The following FGD4 variants were observed in gnomAD, a reference collection of about 807,000 sequenced individuals.
FGD4 encodes FYVE, RhoGEF and PH domain-containing protein 4.
FGD4 carries 42 observed loss-of-function variants against 102.0 expected under a neutral mutation model. That is an observed-to-expected ratio of 0.41 (90% CI 0.32 to 0.53). The LOEUF is 0.53. Ranked by LOEUF, FGD4 falls within the 20% of genes least tolerant of loss-of-function variation. The pLI is 0.21. For missense variants in FGD4, 902 were observed against 1,078.2 expected (o/e 0.84, Z 2.29); for synonymous variants, 380 against 375.7 (o/e 1.01, Z -0.13).
chr12:32,544,496 T>TGAGGCAGGTGGATCACTTTG lies in FGD4; in HGVS notation c.167-19640_167-19621dup, dbSNP rs1943081021. Reference sequence around the variant, plus strand: ...CTGTAATCCCAGCACTCTGGGAGGCTGAGGCAGGTGGATCACTTTGAACTC... The same window carrying TGAGGCAGGTGGATCACTTTG: ...CTGTAATCCCAGCACTCTGGGAGGCTGAGGCAGGTGGATCACTTTGGAGGCAGGTGGATCACTTTGAACTC... On this transcript the variant is annotated intron_variant, in intron 1 of 16. Coordinates refer to ENST00000534526, the MANE Select transcript of FGD4 (RefSeq NM_001370298.3). The surrounding 1 kb of genome is among the most constrained non-coding windows in gnomAD (Gnocchi z 4.1). Among the ~76,000 whole-genome samples, 1 of 151,924 alleles carries TGAGGCAGGTGGATCACTTTG rather than the reference T, an allele frequency of 6.6e-6. No individual in the cohort carries two copies. Among genetic ancestry groups the TGAGGCAGGTGGATCACTTTG allele is most frequent in the African/African-American group, 2.4e-5 (1 of 41,366 alleles).
At chr12:32,607,788 A>G (rs1004940611) in intron 7 of FGD4, 169 bp from the exon 8 acceptor site, 1 of 693,324 alleles carries the variant, frequency 1.4e-6, no homozygotes, top group African/African-American at 1.8e-5. Context: ...TGCTGGGATT[A>G]CAGGTGTGAG....
chr12:32,570,057 A>T (rs1350089529), intron 2 of FGD4, among the ~76,000 whole-genome samples: 2 of 152,008 alleles, frequency 1.3e-5, no homozygotes, highest in Non-Finnish European at 2.9e-5. Context: ...CCTGGCCAAC[A>T]TGGTGAAACC....
chr12:32,470,866 T>C (rs1304691233), intron 1 of FGD4, among the ~76,000 whole-genome samples: 1 of 152,192 alleles, frequency 6.6e-6, no homozygotes, highest in Non-Finnish European at 1.5e-5. Flanking sequence ...TTGCCTTAGA[T>C]TGGGCTGTAT....
At chr12:32,443,729 T>G (rs1942523921) in intron 1 of FGD4, among the ~76,000 whole-genome samples, 1 of 151,444 alleles carries the variant, frequency 6.6e-6, no homozygotes, top group Non-Finnish European at 1.5e-5. Flanking sequence ...TTTTGTATAT[T>G]TTATAGAGAT....
chr12:32,472,821 T>C (rs1440928031), intron 1 of FGD4, among the ~76,000 whole-genome samples: 1 of 152,040 alleles, frequency 6.6e-6, no homozygotes, highest in Non-Finnish European at 1.5e-5. Flanking sequence ...CCAATCAGCA[T>C]CCCGTGTTTA....
intron 10 of FGD4, among the ~76,000 whole-genome samples, chr12:32,619,287 G>A (rs1320146112): frequency 6.6e-6 from 1 of 152,108 alleles, no homozygotes; most frequent in African/African-American, 2.4e-5. Flanking sequence ...GAAGTACTGT[G>A]TTGTCTAGAA....
chr12:32,412,930 G>A lies in FGD4; in HGVS notation c.166+12971G>A, dbSNP rs1368524378. Among the ~76,000 whole-genome samples the A allele has an allele frequency of 1.6e-4, 9 of 55,038 alleles. No homozygotes were observed. The Admixed American group carries it at 1.6e-3, about 10-fold the overall frequency. 36.1% of individuals were successfully genotyped at this position (55,038 alleles called of 152,430 possible). On this transcript the variant is annotated intron_variant, in intron 1 of 16. Transcript: ENST00000534526. ...TTTTTTTTTTTTTTTTTTTTAATTA[G>A]CCAGCCATGGTGGTGCATGCCTGTG...
chr12:32,409,291 C>CTT (rs34814176), intron 1 of FGD4, among the ~76,000 whole-genome samples: 1 of 132,014 alleles, frequency 7.6e-6, no homozygotes, highest in South Asian at 2.4e-4. Flanking sequence ...TCTTTTTTTT[C>CTT]TTTTTTTTTT....
At chr12:32,490,956 G>T (rs982718654) in intron 1 of FGD4, among the ~76,000 whole-genome samples, 1 of 152,038 alleles carries the variant, frequency 6.6e-6, no homozygotes, top group Non-Finnish European at 1.5e-5. Flanking sequence ...TGCAGTATCC[G>T]ATATGTTTTG....
chr12:32,524,395 C>CAAAAAAA (rs959203100), intron 1 of FGD4, among the ~76,000 whole-genome samples: 32 of 69,306 alleles, frequency 4.6e-4, no homozygotes, highest in African/African-American at 1.8e-3. Flanking sequence ...GACTCTGTCT[C>CAAAAAAA]AAAAAAAAAA....
intron 1 of FGD4, among the ~76,000 whole-genome samples, chr12:32,443,673 G>T (rs1199595669): frequency 6.6e-6 from 1 of 150,858 alleles, no homozygotes; most frequent in East Asian, 2.0e-4. Context: ...CTACAGGAAT[G>T]CAGCGCCACA....
At chr12:32,562,246 A>AT (rs1317878560) in intron 1 of FGD4, among the ~76,000 whole-genome samples, 1 of 152,200 alleles carries the variant, frequency 6.6e-6, no homozygotes, top group Non-Finnish European at 1.5e-5. Flanking sequence ...AGGCCTGTGT[A>AT]TAACAGTCTT....
Position 32,600,588 on chromosome 12 carries a change from C to CTTTTTTTT in FGD4, c.1102-687_1102-686insTTTTTTTT, listed in dbSNP as rs1245510421. The CTTTTTTTT allele has an allele frequency of 7.6e-4, 197 of 257,748 alleles. 2 individuals carry two copies. The highest frequency in any genetic ancestry group is 6.7e-3 in the African/African-American group (187 of 28,086). The allele number at this position is 257,748 out of a possible 1,614,324, so 16.0% of individuals were successfully genotyped here. On this transcript the variant is annotated intron_variant, in intron 5 of 16. Transcript: ENST00000534526. ...TTTGTTTTTCTTTCTTTCTTTCTTTCTTTCTTTTTTTTTTTTTTGTCTTCA... is the reference window on the plus strand; with the variant it reads ...TTTGTTTTTCTTTCTTTCTTTCTTTCTTTTTTTTTTTCTTTTTTTTTTTTTTGTCTTCA...
chr12:32,500,265 G>A (rs1592022681), intron 1 of FGD4, among the ~76,000 whole-genome samples: 2 of 152,160 alleles, frequency 1.3e-5, no homozygotes, highest in Middle Eastern at 6.8e-3. Flanking sequence ...GCCCTGTGAG[G>A]TTTATATGAA....
intron 1 of FGD4, among the ~76,000 whole-genome samples, chr12:32,412,478 A>G (rs530239025): frequency 2.0e-5 from 3 of 152,230 alleles, no homozygotes; most frequent in African/African-American, 7.2e-5. Context: ...TTCAATTGGA[A>G]GTTATGAAAT....
At chr12:32,488,386 G>T (rs927321693) in intron 1 of FGD4, among the ~76,000 whole-genome samples, 6 of 152,018 alleles carry the variant, frequency 3.9e-5, no homozygotes, top group African/African-American at 1.4e-4. Flanking sequence ...TAATAGAAGA[G>T]AAATAGCTAG....
chr12:32,615,856 T>C (rs1949420236), intron 10 of FGD4, among the ~76,000 whole-genome samples: 3 of 152,044 alleles, frequency 2.0e-5, no homozygotes, highest in African/African-American at 7.2e-5. Flanking sequence ...CCTGAGGTGA[T>C]TGGGGCAGGA....
chr12:32,539,855 G>A (rs1387393946), intron 1 of FGD4, among the ~76,000 whole-genome samples: 1 of 152,062 alleles, frequency 6.6e-6, no homozygotes, highest in Non-Finnish European at 1.5e-5. Context: ...TTTGACTATA[G>A]CAAAAAGAAA....
intron 1 of FGD4, among the ~76,000 whole-genome samples, chr12:32,464,841 T>C (rs1943209420): frequency 6.6e-6 from 1 of 152,254 alleles, no homozygotes. Context: ...TCCCTTATAA[T>C]AGACATTAAA....
Sources: gnomAD v4.1 joint callset for allele counts (sites outside exome capture counted in the v4.1 genomes callset) on GRCh38, gnomAD v4.1.1 for gene constraint, Gnocchi (gnomAD v3.1) non-coding constraint, MANE v1.5 for transcripts, NCBI Gene and HGNC (gene_info 2026-07-23, HGNC 2026-07-21) for gene names.